ZNF350: variants seen among roughly 807,000 people sequenced by gnomAD.
ZNF350 encodes the protein zinc finger protein 350.
Under a neutral mutation model 13.1 loss-of-function variants are expected in ZNF350, and 5 were observed. The observed-to-expected ratio is 0.38, with a 90% CI of 0.20 to 0.80. The LOEUF is 0.80. Among genes scored for constraint, ZNF350 ranks in the 30% least tolerant of loss-of-function variants. The pLI, the probability that ZNF350 is intolerant of heterozygous loss-of-function variation, is 0.43. For missense variants in ZNF350, 534 were observed against 644.2 expected (o/e 0.83, Z 1.85); for synonymous variants, 199 against 224.2 (o/e 0.89, Z 1.00).
At chr19:51,968,712 A>T (rs770855487) in intron 3 of ZNF350, 39 bp from the exon 4 acceptor site, 4 of 1,590,248 alleles carry the variant, frequency 2.5e-6, no homozygotes, top group Non-Finnish European at 3.4e-6. Flanking sequence ...GACATATCAA[A>T]TTGGGCTGGC....
chr19:51,967,745 CAG>C (rs1287769492), intron 4 of ZNF350, among the ~76,000 whole-genome samples: 2 of 152,126 alleles, frequency 1.3e-5, no homozygotes, highest in African/African-American at 4.8e-5. Context: ...TCATGACTAG[CAG>C]AGACCTTTAA....
intron 1 of ZNF350, among the ~76,000 whole-genome samples, chr19:51,975,374 AG>A (rs146815051): frequency 3.3e-3 from 497 of 149,820 alleles, no homozygotes; most frequent in South Asian, 8.4e-3. Flanking sequence ...GGTTGCAGTG[AG>A]ACAAGCCTGT....
intron 1 of ZNF350, among the ~76,000 whole-genome samples, chr19:51,978,761 C>T (rs1372042553): frequency 6.6e-6 from 1 of 152,160 alleles, no homozygotes; most frequent in Non-Finnish European, 1.5e-5. Flanking sequence ...CAACTACCAC[C>T]TCAATCAAAA....
chr19:51,966,567 T>G (rs2085581439), intron 4 of ZNF350, among the ~76,000 whole-genome samples: 1 of 151,918 alleles, frequency 6.6e-6, no homozygotes, highest in Admixed American at 6.5e-5. Context: ...GTTTTGTTTT[T>G]GGGAGACGGA....
intron 1 of ZNF350, among the ~76,000 whole-genome samples, chr19:51,985,242 A>T (rs1351729328): frequency 6.6e-6 from 1 of 152,210 alleles, no homozygotes; most frequent in African/African-American, 2.4e-5. Flanking sequence ...AACTCCAGAC[A>T]ACACAACGGG....
chr19:51,980,278 ATCTG>A (rs1194272059), intron 1 of ZNF350, among the ~76,000 whole-genome samples: 1 of 152,132 alleles, frequency 6.6e-6, no homozygotes, highest in Non-Finnish European at 1.5e-5. Context: ...ATTCTTGTTA[ATCTG>A]TCTGAGCCTT....
Position 51,968,693 on chromosome 19 carries a change from G to C in ZNF350, c.143-20C>G. On this transcript the variant is annotated intron_variant, in intron 3 of 4. Coordinates refer to ENST00000243644, the MANE Select transcript of ZNF350 (RefSeq NM_021632.4). Reference sequence around the variant, plus strand: ...GATACCCTGTTCATGGAAAATGATAGAGGACTTAGACATATCAAATTGGGC... The same window carrying C: ...GATACCCTGTTCATGGAAAATGATACAGGACTTAGACATATCAAATTGGGC... 6.2e-7 allele frequency: 1 copy of C among 1,610,044 alleles called. No homozygotes were observed. Among genetic ancestry groups the C allele is most frequent in the Non-Finnish European group, 8.5e-7 (1 of 1,176,282 alleles).
intron 1 of ZNF350, among the ~76,000 whole-genome samples, chr19:51,979,212 C>T (rs949345243): frequency 4.6e-5 from 7 of 152,298 alleles, no homozygotes; most frequent in African/African-American, 1.4e-4. Flanking sequence ...GTGTCAGGGA[C>T]AGGCAAAACC....
At chr19:51,975,223 CT>C (rs971183402) in intron 1 of ZNF350, among the ~76,000 whole-genome samples, 1 of 152,264 alleles carries the variant, frequency 6.6e-6, no homozygotes, top group African/African-American at 2.4e-5. Context: ...AATCCCAGCA[CT>C]TTGGGATGCC....
At chr19:51,972,879 C>A (rs2085780781) in intron 2 of ZNF350, 1 of 151,868 alleles carries the variant, frequency 6.6e-6, no homozygotes, top group Admixed American at 6.6e-5. Context: ...TCTCAAACTC[C>A]TGGGCTCAAG....
chr19:51,966,231 A>G lies in ZNF350; in HGVS notation c.239-17T>C. ...TCCATATGTCTAGAAAGAAAAGAAC[A>G]AAGATTTCTATCATTTAGATTTGGG... is the stretch of plus-strand genomic sequence containing the variant. On this transcript the variant is annotated splice_polypyrimidine_tract_variant and intron_variant, in intron 4 of 4. Transcript: ENST00000243644. 1 of 1,536,140 alleles carries G rather than the reference A, an allele frequency of 6.5e-7. No individual in the cohort carries two copies. The highest frequency in any genetic ancestry group is 8.7e-7 in the Non-Finnish European group (1 of 1,147,512).
chr19:51,966,335 G>A (rs1442454007), intron 4 of ZNF350, 121 bp from the exon 5 acceptor site: 2 of 1,017,798 alleles, frequency 2.0e-6, no homozygotes, highest in East Asian at 5.4e-5. Flanking sequence ...CCAGGCTGGA[G>A]TGCAATGCTG....
chr19:51,984,899 AAAG>A (rs1197996933), intron 1 of ZNF350, among the ~76,000 whole-genome samples: 1 of 152,226 alleles, frequency 6.6e-6, no homozygotes, highest in Admixed American at 6.5e-5. Context: ...ATAATGAGCA[AAAG>A]AAGGCTGACA....
intron 2 of ZNF350, among the ~76,000 whole-genome samples, chr19:51,970,695 T>C (rs1308102511): frequency 1.3e-5 from 2 of 152,114 alleles, no homozygotes; most frequent in South Asian, 2.1e-4. Context: ...GGAGAAACAA[T>C]ATCCAAAGAT....
Position 51,976,547 on chromosome 19 carries a change from G to A in ZNF350, c.-171-2016C>T, listed in dbSNP as rs1286907867. The A allele has an allele frequency of 6.6e-6, 1 of 152,358 alleles. No individual in the cohort carries two copies. The highest frequency in any genetic ancestry group is 1.5e-5 in the Non-Finnish European group (1 of 68,142). The allele number at this position is 152,358 out of a possible 1,614,324, so 9.4% of individuals were successfully genotyped here. On this transcript the variant is annotated intron_variant, in intron 1 of 4. Coordinates refer to ENST00000243644, the MANE Select transcript of ZNF350 (RefSeq NM_021632.4). The surrounding 1 kb of genome is among the most constrained non-coding windows in gnomAD (Gnocchi z 4.5). ...TTGACAAGGCGAAAGGGGACCCTGG[G>A]AAGAGTCTGCCGGCAGCAGATATAA... is the stretch of plus-strand genomic sequence containing the variant.
At chr19:51,984,423 G>A (rs1365915650) in intron 1 of ZNF350, among the ~76,000 whole-genome samples, 1 of 152,080 alleles carries the variant, frequency 6.6e-6, no homozygotes. Context: ...ATCCTGCTAG[G>A]GGAACTGTAA....
chr19:51,970,229 T>G (rs1452877027), intron 2 of ZNF350, among the ~76,000 whole-genome samples: 1 of 151,810 alleles, frequency 6.6e-6, no homozygotes, highest in Non-Finnish European at 1.5e-5. Flanking sequence ...AACCAGCTAA[T>G]TTTTTGTATT....
intron 4 of ZNF350, 55 bp downstream of exon 4, chr19:51,968,521 TTC>T: frequency 6.6e-7 from 1 of 1,504,868 alleles, no homozygotes; most frequent in Non-Finnish European, 9.3e-7. Flanking sequence ...CTGTGCTGCC[TTC>T]TCTGACTGTC....
intron 4 of ZNF350, chr19:51,967,478 A>T (rs1011577335): frequency 1.3e-5 from 2 of 152,200 alleles, no homozygotes; most frequent in African/African-American, 4.8e-5. Context: ...GGAAGTAATC[A>T]TATGTGTGGA....
Sources: gnomAD v4.1 joint callset for allele counts (sites outside exome capture counted in the v4.1 genomes callset) on GRCh38, gnomAD v4.1.1 for gene constraint, Gnocchi (gnomAD v3.1) non-coding constraint, MANE v1.5 for transcripts, NCBI Gene and HGNC (gene_info 2026-07-23, HGNC 2026-07-21) for gene names.